Variants in DEPDC1 observed in about 807,000 individuals in gnomAD.
DEPDC1 encodes the protein DEP domain containing 1.
Under a neutral mutation model 86.8 loss-of-function variants are expected in DEPDC1, and 66 were observed. The ratio of observed to expected loss-of-function variants is 0.76; its 90% CI spans 0.62 to 0.93. DEPDC1 has a LOEUF of 0.93. Ranked by LOEUF, DEPDC1 falls within the 40% of genes least tolerant of loss-of-function variation. The pLI, the probability that DEPDC1 is intolerant of heterozygous loss-of-function variation, is 0.00. For synonymous variants in DEPDC1, 255 were observed against 314.9 expected, an observed-to-expected ratio of 0.81 and a Z score of 2.02; for missense variants, 792 against 935.7, an observed-to-expected ratio of 0.85 and a Z score of 2.00.
chr1:68,491,569 G>A (rs1309981971), intron 2 of DEPDC1, among the ~76,000 whole-genome samples: 1 of 152,096 alleles, frequency 6.6e-6, no homozygotes, highest in East Asian at 1.9e-4. Flanking sequence ...GTTGGTGGGA[G>A]TGTAAATAAC....
At chr1:68,479,932 T>C (rs1279873781) in intron 9 of DEPDC1, among the ~76,000 whole-genome samples, 2 of 151,988 alleles carry the variant, frequency 1.3e-5, no homozygotes, top group African/African-American at 4.8e-5. Context: ...CACATATATA[T>C]GTTGCTTAAG....
In DEPDC1 at chr1:68,482,356, C is replaced by A; in HGVS notation, c.1452G>T (p.Lys484Asn). Residue 484 changes from lysine (K) to asparagine (N), a missense_variant, in exon 8 of 12, where the codon AAG becomes AAT. By Grantham distance (94) the Lys-to-Asn change is moderately conservative. Transcript: ENST00000456315. ...CTTGAACAGTCAAAGTAGAGGTTCT[C>A]TTAAAACCAGCACTGAATGGCTTTT... ...NIQKPFSAGF[K>N]RTSTLTVQDQ... The A allele has an allele frequency of 6.2e-7, 1 of 1,612,898 alleles. No homozygotes were observed. The highest frequency in any genetic ancestry group is 8.5e-7 in the Non-Finnish European group (1 of 1,179,314).
Position 68,476,697 on chromosome 1 carries a change from A to G in DEPDC1, c.*235T>C, listed in dbSNP as rs1374421993. On this transcript the variant is annotated 3_prime_UTR_variant, in exon 12 of 12. Transcript: ENST00000456315. The stretch of plus-strand genomic sequence containing the variant: ...ACACATCATGATAGCCTTACTGGAT[A>G]GCTGTGTTAAAAACAAAAAGTATTT... The G allele has an allele frequency of 5.8e-6, 2 of 344,086 alleles. No homozygotes were observed. The highest frequency in any genetic ancestry group is 1.0e-5 in the Non-Finnish European group (2 of 190,526). The allele number at this position is 344,086 out of a possible 1,614,324, so 21.3% of individuals were successfully genotyped here. A position where few individuals can be genotyped will look rare whatever the true frequency, so the allele number is the denominator to read the frequency against.
Position 68,481,107 on chromosome 1 carries a change from T to A in DEPDC1, c.1935+333A>T, listed in dbSNP as rs561526505. On this transcript the variant is annotated intron_variant, in intron 9 of 11. Transcript: ENST00000456315. Reference sequence around the variant, plus strand: ...TATAGTCTCCTTAGGCTTTCAACAGTACCTACATTTCTTCTTCCTTATCCA... The same window carrying A: ...TATAGTCTCCTTAGGCTTTCAACAGAACCTACATTTCTTCTTCCTTATCCA... Among the ~76,000 whole-genome samples, 4 of 152,118 alleles carry A rather than the reference T, an allele frequency of 2.6e-5. No individual in the cohort carries two copies. The South Asian group carries it at 8.3e-4, about 32-fold the overall frequency.
At chr1:68,481,761 G>A in intron 8 of DEPDC1, 149 bp from the exon 9 acceptor site, 1 of 679,360 alleles carries the variant, frequency 1.5e-6, no homozygotes, top group African/African-American at 1.8e-5. Flanking sequence ...TCTAAAGCAT[G>A]GTAAGATTCT....
chr1:68,482,942 T>G, intron 7 of DEPDC1, 45 bp from the exon 8 acceptor site: 1 of 1,518,558 alleles, frequency 6.6e-7, no homozygotes. Flanking sequence ...TGTATGACAG[T>G]GGACAAAAAT....
Position 68,496,776 on chromosome 1 carries a change from G to A in DEPDC1, c.48+176C>T, listed in dbSNP as rs1646268675. Reference sequence around the variant, plus strand: ...ACCCTCAAAATAGAGGGAGCGGTGAGTCTGGCAAGGGTTGCATACCCGCTA... The same window carrying A: ...ACCCTCAAAATAGAGGGAGCGGTGAATCTGGCAAGGGTTGCATACCCGCTA... On this transcript the variant is annotated intron_variant, in intron 1 of 11. Transcript: ENST00000456315. This position sits in a 1 kb window ranked among gnomAD's most constrained non-coding sequence, Gnocchi z 4.0. 1.6e-6 allele frequency: 1 copy of A among 626,026 alleles called. No homozygotes were observed. Among genetic ancestry groups the A allele is most frequent in the South Asian group, 2.0e-5 (1 of 49,024 alleles). The allele number at this position is 626,026 out of a possible 1,614,324, so 38.8% of individuals were successfully genotyped here. A position where few individuals can be genotyped will look rare whatever the true frequency, so the allele number is the denominator to read the frequency against.
At chr1:68,477,157 T>C in intron 11 of DEPDC1, 88 bp from the exon 12 acceptor site, 2 of 1,170,112 alleles carry the variant, frequency 1.7e-6, no homozygotes, top group Non-Finnish European at 2.4e-6. Context: ...ATTCAGTGTT[T>C]TTCTCAAAGA....
rs1646105641 is a variant in DEPDC1, at chr1:68,475,018, T to C, written c.*1914A>G. ...ATATTTATAGAGTGCTTATTCTATG[T>C]GAGACACTGTGCTAACACTTTACAT... is the stretch of plus-strand genomic sequence containing the variant. On this transcript the variant is annotated 3_prime_UTR_variant, in exon 12 of 12. Transcript: ENST00000456315. 1 of 152,056 alleles carries C rather than the reference T, an allele frequency of 6.6e-6. No homozygotes were observed. The highest frequency in any genetic ancestry group is 1.5e-5 in the Non-Finnish European group (1 of 67,916). The allele number at this position is 152,056 out of a possible 1,614,324, so 9.4% of individuals were successfully genotyped here. A position where few individuals can be genotyped will look rare whatever the true frequency, so the allele number is the denominator to read the frequency against.
Position 68,482,123 on chromosome 1 carries a change from T to C in DEPDC1, c.1685A>G (p.Lys562Arg). 1.2e-6 allele frequency: 2 copies of C among 1,612,330 alleles called. No individual in the cohort carries two copies. Among genetic ancestry groups the C allele is most frequent in the Non-Finnish European group, 1.7e-6 (2 of 1,178,990 alleles). ...ELGESSATIN[K>R]RLCKSTIELS... ...TTCTATTGTACTTTTGCAGAGTCTTTTATTGATTGTGGCACTAGACTCTCC... is the reference window on the plus strand; with the variant it reads ...TTCTATTGTACTTTTGCAGAGTCTTCTATTGATTGTGGCACTAGACTCTCC... The change falls in exon 8 of 12, where the codon AAA becomes AGA. Residue 562 changes from lysine (K) to arginine (R), a missense_variant. Coordinates refer to ENST00000456315, the MANE Select transcript of DEPDC1 (RefSeq NM_001114120.3).
At position 68,482,804 on chromosome 1, in the gene DEPDC1, T is replaced by C; in HGVS notation, c.1004A>G (p.Asn335Ser). 1 of 1,612,412 alleles carries C rather than the reference T, an allele frequency of 6.2e-7. No homozygotes were observed. The change falls in exon 8 of 12, where the codon AAT becomes AGT. Residue 335 changes from asparagine (N) to serine (S), a missense_variant. Coordinates refer to ENST00000456315, the MANE Select transcript of DEPDC1 (RefSeq NM_001114120.3). The part of the protein sequence containing the change: ...PQSSKFLHLN[N>S]LNSFKSTECL... ...CTCAGTTGATTTGAAGGAATTCAAA[T>C]TGTTTAAGTGAAGGAATTTTGAAGA...
At chr1:68,483,082 G>A (rs139615156) in intron 7 of DEPDC1, 185 bp from the exon 8 acceptor site, 14 of 622,570 alleles carry the variant, frequency 2.2e-5, no homozygotes, top group African/African-American at 5.6e-5. Flanking sequence ...GGTTACAAAC[G>A]TGCAAGACAG....
chr1:68,484,002 G>C lies in DEPDC1; in HGVS notation c.858C>G (p.Leu286=). Residue 286 remains leucine, a synonymous_variant, in exon 7 of 12, where the codon CTC becomes CTG. Coordinates refer to ENST00000456315, the MANE Select transcript of DEPDC1 (RefSeq NM_001114120.3). ...ATTCAAAAGTAAGTAGAGGTTCAGGGAGATCTAGAAAATAATCTGCGATTG... is the reference window on the plus strand; with the variant it reads ...ATTCAAAAGTAAGTAGAGGTTCAGGCAGATCTAGAAAATAATCTGCGATTG... The part of the protein sequence containing the change: ...FRTIADYFLD[L]PEPLLTFEYY... 3.2e-6 allele frequency: 5 copies of C among 1,571,802 alleles called. No individual in the cohort carries two copies. Among genetic ancestry groups the C allele is most frequent in the Non-Finnish European group, 3.5e-6 (4 of 1,154,316 alleles).
chr1:68,476,782 C>CATTG lies in DEPDC1; in HGVS notation c.*146_*149dup. On this transcript the variant is annotated 3_prime_UTR_variant, in exon 12 of 12. Coordinates refer to ENST00000456315, the MANE Select transcript of DEPDC1 (RefSeq NM_001114120.3). ...TCTAGTTAGTTTCCTAAGAGTCTCA[C>CATTG]ATTGATAACTATTTTGGCACTTCCT... 1 of 614,808 alleles carries CATTG rather than the reference C, an allele frequency of 1.6e-6. No homozygotes were observed. The highest frequency in any genetic ancestry group is 1.9e-5 in the African/African-American group (1 of 53,262). The allele number at this position is 614,808 out of a possible 1,614,324, so 38.1% of individuals were successfully genotyped here. A position where few individuals can be genotyped will look rare whatever the true frequency, so the allele number is the denominator to read the frequency against.
chr1:68,476,768 T>G lies in DEPDC1; in HGVS notation c.*164A>C. On this transcript the variant is annotated 3_prime_UTR_variant, in exon 12 of 12. Transcript: ENST00000456315. ...GCTCTCAATTGAGATCTAGTTAGTT[T>G]CCTAAGAGTCTCACATTGATAACTA... 1.8e-6 allele frequency: 1 copy of G among 564,760 alleles called. No individual in the cohort carries two copies. The highest frequency in any genetic ancestry group is 3.0e-6 in the Non-Finnish European group (1 of 335,304). 35.0% of individuals were successfully genotyped at this position (564,760 alleles called of 1,614,324 possible). A position where few individuals can be genotyped will look rare whatever the true frequency, so the allele number is the denominator to read the frequency against.
Position 68,482,176 on chromosome 1 carries a change from A to T in DEPDC1, c.1632T>A (p.Ser544Arg), listed in dbSNP as rs1207935339. 2 of 1,612,970 alleles carry T rather than the reference A, an allele frequency of 1.2e-6. No homozygotes were observed. The highest frequency in any genetic ancestry group is 1.3e-5 in the African/African-American group (1 of 74,974). The stretch of plus-strand genomic sequence containing the variant: ...GTTCACTTTCCATAGCTGTTTGCAC[A>T]CTTGTGCTGCCTTGTCCAACATTTG... ...MKPNVGQGST[S>R]VQTAMESELG... The change falls in exon 8 of 12, where the codon AGT (serine) becomes AGA (arginine). Residue 544 changes from serine to arginine, a missense_variant. Physicochemically the swap from Ser to Arg is moderately radical, Grantham distance 110. Coordinates refer to ENST00000456315, the MANE Select transcript of DEPDC1 (RefSeq NM_001114120.3).
intron 3 of DEPDC1, among the ~76,000 whole-genome samples, 185 bp downstream of exon 3, chr1:68,489,267 T>A (rs1646213622): frequency 6.6e-6 from 1 of 151,958 alleles, no homozygotes; most frequent in Non-Finnish European, 1.5e-5. Context: ...TATGTCTCAC[T>A]ATCATTTTTA....
chr1:68,496,723 G>C lies in DEPDC1; in HGVS notation c.48+229C>G, dbSNP rs561658380. 9.0e-6 allele frequency: 4 copies of C among 446,920 alleles called. No homozygotes were observed. In the East Asian group the frequency reaches 1.1e-4, roughly 12 times the overall value. 27.7% of individuals were successfully genotyped at this position (446,920 alleles called of 1,614,324 possible). On this transcript the variant is annotated intron_variant, in intron 1 of 11. Coordinates refer to ENST00000456315, the MANE Select transcript of DEPDC1 (RefSeq NM_001114120.3). The surrounding 1 kb of genome is among the most constrained non-coding windows in gnomAD (Gnocchi z 4.0). The stretch of plus-strand genomic sequence containing the variant: ...AGCGAGTCTGGTGCGGCCTACGCGC[G>C]GCGCTTCCTTTCGGACCTGAGGCCC...
chr1:68,496,017 C>G lies in DEPDC1; in HGVS notation c.48+935G>C, dbSNP rs1443244588. On this transcript the variant is annotated intron_variant, in intron 1 of 11. Coordinates refer to ENST00000456315, the MANE Select transcript of DEPDC1 (RefSeq NM_001114120.3). The surrounding 1 kb of genome is among the most constrained non-coding windows in gnomAD (Gnocchi z 4.0). The stretch of plus-strand genomic sequence containing the variant: ...ATATAGCCAATAACTTACTAAGTAG[C>G]AGAATCCATGTAAGATCGCCATACC... Among the ~76,000 whole-genome samples, 1 of 152,060 alleles carries G rather than the reference C, an allele frequency of 6.6e-6. No homozygotes were observed. Among genetic ancestry groups the G allele is most frequent in the Non-Finnish European group, 1.5e-5 (1 of 68,030 alleles).
Sources: allele counts gnomAD v4.1 joint callset (sites outside exome capture counted in the v4.1 genomes callset), GRCh38; gene constraint gnomAD v4.1.1; non-coding constraint Gnocchi (gnomAD v3.1); transcripts MANE v1.5; gene names NCBI Gene and HGNC (gene_info 2026-07-23, HGNC 2026-07-21).